Variants in NRXN1 observed in about 807,000 individuals in gnomAD.
NRXN1 encodes neurexin 1, also known as neurexin-1.
A neutral mutation model predicts 150.9 loss-of-function variants in NRXN1; 39 were observed. The observed-to-expected ratio is 0.26, with a 90% CI of 0.20 to 0.34. The LOEUF (loss-of-function observed/expected upper bound fraction) is 0.34. NRXN1 is among the 10% of genes least tolerant of loss of function. The pLI is 1.00. For synonymous variants in NRXN1, 924 were observed against 757.0 expected (o/e 1.22, Z -3.62); for missense variants, 1,815 against 1,949.9 (o/e 0.93, Z 1.30).
chr2:50,248,595 G>A (rs986013758), intron 17 of NRXN1, among the ~76,000 whole-genome samples: 1 of 152,078 alleles, frequency 6.6e-6, no homozygotes, highest in Non-Finnish European at 1.5e-5. Flanking sequence ...TCAACTCTGG[G>A]ATCAGTTCAC....
At chr2:49,988,715 C>G (rs1353308345) in intron 21 of NRXN1, among the ~76,000 whole-genome samples, 2 of 149,730 alleles carry the variant, frequency 1.3e-5, no homozygotes, top group African/African-American at 2.5e-5. Context: ...ATTTGGGAAG[C>G]AAGATAATGG....
intron 5 of NRXN1, among the ~76,000 whole-genome samples, chr2:50,893,116 G>C (rs1681338497): frequency 6.6e-6 from 1 of 151,984 alleles, no homozygotes; most frequent in Non-Finnish European, 1.5e-5. Flanking sequence ...CTTTCTATCT[G>C]GATTCTTTCC....
At chr2:50,329,718 G>A (rs2076708176) in intron 17 of NRXN1, among the ~76,000 whole-genome samples, 1 of 133,084 alleles carries the variant, frequency 7.5e-6, no homozygotes, top group South Asian at 2.6e-4. Context: ...CTGTCACCCA[G>A]GCTACAGTGC....
rs1327040033 is a variant in NRXN1 at position 50,119,895 on chromosome 2, A to G, written c.3547-28401T>C. Among the ~76,000 whole-genome samples, 3 of 152,166 alleles carry G rather than the reference A, an allele frequency of 2.0e-5. No individual in the cohort carries two copies. In the East Asian group the frequency reaches 5.8e-4, roughly 29 times the overall value. ...AGGATACCAAAAAAAGCATTCCCAT[A>G]AGTATTGTAAAAAGTCTCTCTCATG... On this transcript the variant is annotated intron_variant, in intron 18 of 22. Transcript: ENST00000401669.
intron 8 of NRXN1, among the ~76,000 whole-genome samples, chr2:50,609,042 C>A (rs1255624536): frequency 6.6e-6 from 1 of 152,026 alleles, no homozygotes; most frequent in Non-Finnish European, 1.5e-5. Flanking sequence ...ATGGAAAGCA[C>A]ACTGGGCTTG....
At chr2:50,132,234 T>C (rs1298251413) in intron 18 of NRXN1, among the ~76,000 whole-genome samples, 2 of 151,952 alleles carry the variant, frequency 1.3e-5, no homozygotes, top group Non-Finnish European at 2.9e-5. Flanking sequence ...AAAGTTCTCA[T>C]GGAGACTGTG....
At chr2:50,651,123 T>C (rs1685550118) in intron 5 of NRXN1, among the ~76,000 whole-genome samples, 1 of 152,064 alleles carries the variant, frequency 6.6e-6, no homozygotes, top group Admixed American at 6.6e-5. Context: ...TGTAAGGTCC[T>C]TGAAATTAAG....
intron 18 of NRXN1, among the ~76,000 whole-genome samples, chr2:50,160,738 G>A (rs950224027): frequency 2.6e-5 from 4 of 152,038 alleles, no homozygotes; most frequent in African/African-American, 4.8e-5. Context: ...GAAAGCCCTC[G>A]GTCAGGTTTG....
At chr2:50,052,789 G>C (rs965199772) in intron 21 of NRXN1, among the ~76,000 whole-genome samples, 24 of 130,748 alleles carry the variant, frequency 1.8e-4, no homozygotes, top group African/African-American at 6.4e-4. Context: ...CACCAAGAAA[G>C]CCACATGGCT....
At chr2:50,023,309 T>C (rs4971635) in intron 21 of NRXN1, 105,655 of 152,062 alleles carry the variant, frequency 0.69, 36,870 homozygotes, top group Middle Eastern at 0.75. Context: ...CCATCACTTC[T>C]CTTTTTCAAT....
intron 2 of NRXN1, among the ~76,000 whole-genome samples, chr2:50,959,639 G>A (rs1398602505): frequency 9.2e-5 from 14 of 151,936 alleles, no homozygotes. Flanking sequence ...TTTCTTTTTG[G>A]ATAATGAAAA....
chr2:50,455,631 G>A (rs555193745), intron 17 of NRXN1, among the ~76,000 whole-genome samples: 1 of 152,234 alleles, frequency 6.6e-6, no homozygotes, highest in Admixed American at 6.5e-5. Context: ...ACACTTTTCT[G>A]TTTTTAATTT....
chr2:49,926,962 C>T (rs1669213071), intron 22 of NRXN1, among the ~76,000 whole-genome samples: 4 of 152,180 alleles, frequency 2.6e-5, no homozygotes, highest in Admixed American at 2.6e-4. Flanking sequence ...TATTTCTCCT[C>T]CCACTTACCC....
At chr2:50,958,091 G>T (rs1467467882) in intron 2 of NRXN1, among the ~76,000 whole-genome samples, 1 of 151,986 alleles carries the variant, frequency 6.6e-6, no homozygotes, top group African/African-American at 2.4e-5. Flanking sequence ...TGCCTTTCTG[G>T]GCCAAAGTTT....
At chr2:50,958,468 A>G (rs997965399) in intron 2 of NRXN1, among the ~76,000 whole-genome samples, 4 of 152,140 alleles carry the variant, frequency 2.6e-5, no homozygotes, top group African/African-American at 9.6e-5. Flanking sequence ...CTATTGGTGA[A>G]TGCTTTTGTA....
At chr2:50,066,755 G>T (rs952895535) in intron 19 of NRXN1, among the ~76,000 whole-genome samples, 1 of 152,082 alleles carries the variant, frequency 6.6e-6, no homozygotes, top group Non-Finnish European at 1.5e-5. Flanking sequence ...CTGAAAATCG[G>T]CAAGAATTTG....
intron 5 of NRXN1, among the ~76,000 whole-genome samples, chr2:50,687,202 T>G (rs532664864): frequency 7.0e-4 from 107 of 152,250 alleles, no homozygotes; most frequent in Non-Finnish European, 1.3e-3. Context: ...AATACCTCAT[T>G]TACCTAGGCA....
At chr2:50,022,158 A>G (rs1016894351) in intron 21 of NRXN1, among the ~76,000 whole-genome samples, 1 of 150,330 alleles carries the variant, frequency 6.7e-6, no homozygotes, top group Non-Finnish European at 1.5e-5. Flanking sequence ...TAATTTTTGT[A>G]TTTTTAGTAG....
chr2:50,552,422 T>C (rs543031353), intron 9 of NRXN1, among the ~76,000 whole-genome samples, 165 bp downstream of exon 9: 1 of 152,320 alleles, frequency 6.6e-6, no homozygotes, highest in South Asian at 2.1e-4. Flanking sequence ...ATTAATTAGC[T>C]CTTTCTTTCA....
Sources: allele counts gnomAD v4.1 joint callset (sites outside exome capture counted in the v4.1 genomes callset), GRCh38; gene constraint gnomAD v4.1.1; transcripts MANE v1.5; gene names NCBI Gene and HGNC (gene_info 2026-07-23, HGNC 2026-07-21).